MRE11: variants seen among roughly 807,000 people sequenced by gnomAD.
MRE11 encodes MRE11 double strand break repair nuclease.
Under a neutral mutation model 91.7 loss-of-function variants are expected in MRE11, and 62 were observed. The ratio of observed to expected loss-of-function variants is 0.68; its 90% CI spans 0.55 to 0.84. The LOEUF (loss-of-function observed/expected upper bound fraction) is 0.84. MRE11 is among the 40% of genes least tolerant of loss of function. MRE11 has a pLI of 0.00. For synonymous variants in MRE11, 273 were observed against 271.4 expected (o/e 1.01, Z -0.06); for missense variants, 796 against 852.9 (o/e 0.93, Z 0.83).
At chr11:94,421,309 T>C (rs1427716663) in intron 19 of MRE11, among the ~76,000 whole-genome samples, 1 of 152,246 alleles carries the variant, frequency 6.6e-6, no homozygotes, top group South Asian at 2.1e-4. Flanking sequence ...TTGTTGGTGG[T>C]ATCAGCACTT....
At chr11:94,502,114 G>A in the MRE11 span, among the ~76,000 whole-genome samples, 2 of 152,082 alleles carry the variant, frequency 1.3e-5, no homozygotes, top group Non-Finnish European at 2.9e-5. Context: ...TGTGCTTCAC[G>A]TGTGTGATAC....
chr11:94,443,759 T>C (rs1945849966), intron 16 of MRE11, among the ~76,000 whole-genome samples: 1 of 152,164 alleles, frequency 6.6e-6, no homozygotes, highest in African/African-American at 2.4e-5. Context: ...CATCAGATTT[T>C]TAGAGAATCC....
Position 94,492,850 on chromosome 11 carries a change from C to T in MRE11, c.-49G>A. The T allele has an allele frequency of 6.4e-7, 1 of 1,564,592 alleles. No individual in the cohort carries two copies. Among genetic ancestry groups the T allele is most frequent in the Non-Finnish European group, 8.8e-7 (1 of 1,136,678 alleles). On this transcript the variant is annotated 5_prime_UTR_variant, in exon 2 of 20. Transcript: ENST00000323929. ...TGGGACCAGGTTCTTCTCCAAGAAC[C>T]CCTGGGTACTGTACTCAAATGTCAG...
chr11:94,499,467 T>G, the MRE11 span: 5 of 151,980 alleles, frequency 3.3e-5, no homozygotes, highest in African/African-American at 1.2e-4. Flanking sequence ...ATTATTATAT[T>G]GAGGCTAAAA....
At chr11:94,451,039 C>A (rs1345913243) in intron 14 of MRE11, among the ~76,000 whole-genome samples, 1 of 138,098 alleles carries the variant, frequency 7.2e-6, no homozygotes, top group African/African-American at 3.0e-5. Flanking sequence ...CACATCTATA[C>A]TTTGGGAGGC....
In MRE11 at chr11:94,456,284, C is replaced by T. The variant is rs778116138; in HGVS notation, c.1555G>A (p.Val519Ile). ...TGCAGCAGAATAATTACCTCACGGA[C>T]TTCATCATCTTCTTCATTAGTATTT... ...QKNTNEEDDEVREAMTRARAL... is the reference protein window; with the variant it reads ...QKNTNEEDDEIREAMTRARAL... Residue 519 changes from valine (V) to isoleucine (I), a missense_variant, in exon 14 of 20, where the codon GTC becomes ATC. By Grantham distance (29) the Val-to-Ile change is conservative. Coordinates refer to ENST00000323929, the MANE Select transcript of MRE11 (RefSeq NM_005591.4). 2 of 1,610,398 alleles carry T rather than the reference C, an allele frequency of 1.2e-6. No homozygotes were observed. Among genetic ancestry groups the T allele is most frequent in the South Asian group, 2.2e-5 (2 of 90,984 alleles).
intron 10 of MRE11, chr11:94,466,471 C>T (rs1565225281): frequency 1.9e-6 from 1 of 531,130 alleles, no homozygotes; most frequent in Non-Finnish European, 3.9e-6. Flanking sequence ...CTATTTAATC[C>T]ATTTAGATCT....
chr11:94,466,568 C>A (rs931776119), intron 10 of MRE11: 3 of 502,886 alleles, frequency 6.0e-6, no homozygotes, highest in Non-Finnish European at 1.2e-5. Context: ...AATACTTTTG[C>A]ACCAACCTAA....
intron 11 of MRE11, among the ~76,000 whole-genome samples, chr11:94,463,593 A>G (rs1361451673): frequency 2.6e-5 from 4 of 152,210 alleles, no homozygotes; most frequent in Non-Finnish European, 5.9e-5. Flanking sequence ...ATGGAATACT[A>G]TGCAGCCATA....
At chr11:94,447,605 G>A (rs995237474) in intron 14 of MRE11, among the ~76,000 whole-genome samples, 167 bp from the exon 15 acceptor site, 9 of 143,950 alleles carry the variant, frequency 6.3e-5, no homozygotes, top group Non-Finnish European at 1.2e-4. Context: ...GAGGCGGGAG[G>A]ATCACTTGCA....
At chr11:94,487,683 G>A (rs1180838715) in intron 3 of MRE11, among the ~76,000 whole-genome samples, 1 of 152,082 alleles carries the variant, frequency 6.6e-6, no homozygotes, top group Non-Finnish European at 1.5e-5. Context: ...CTAATTTTCT[G>A]GTTTTCTATG....
intron 16 of MRE11, among the ~76,000 whole-genome samples, chr11:94,445,509 C>T (rs953962096): frequency 2.0e-5 from 3 of 152,052 alleles, no homozygotes; most frequent in Non-Finnish European, 2.9e-5. Context: ...CGGGTTTCAC[C>T]ATGTTGGCCA....
intron 14 of MRE11, among the ~76,000 whole-genome samples, chr11:94,454,570 A>AT (rs1946199560): frequency 6.6e-6 from 1 of 152,176 alleles, no homozygotes; most frequent in Non-Finnish European, 1.5e-5. Context: ...GAAAAAATAT[A>AT]TAATATCTTA....
chr11:94,423,856 A>G (rs1386257766), intron 19 of MRE11, among the ~76,000 whole-genome samples: 1 of 152,220 alleles, frequency 6.6e-6, no homozygotes, highest in Admixed American at 6.5e-5. Context: ...GCTGGCACTC[A>G]AGTAGGGGAG....
chr11:94,424,935 CA>C lies in MRE11; in HGVS notation c.2071-4755del, dbSNP rs1945270731. ...AATATGGAAAACATATTCGAGGATA[CA>C]GTCCAGAAAAATTTCTCCAATCGTG... On this transcript the variant is annotated intron_variant, in intron 19 of 19. Coordinates refer to ENST00000323929, the MANE Select transcript of MRE11 (RefSeq NM_005591.4). Among the ~76,000 whole-genome samples, 3 of 152,240 alleles carry C rather than the reference CA, an allele frequency of 2.0e-5. No homozygotes were observed. In the South Asian group the frequency reaches 6.2e-4, roughly 32 times the overall value.
At chr11:94,485,785 A>T (rs1483158762) in intron 4 of MRE11, 139 bp downstream of exon 4, 2 of 790,324 alleles carry the variant, frequency 2.5e-6, no homozygotes, top group Non-Finnish European at 4.1e-6. Flanking sequence ...TAATACAATG[A>T]TGTACAAAAA....
chr11:94,433,573 G>A (rs1260888586), intron 18 of MRE11, among the ~76,000 whole-genome samples: 1 of 152,164 alleles, frequency 6.6e-6, no homozygotes, highest in Non-Finnish European at 1.5e-5. Context: ...GAGGGACCTG[G>A]TGGGAGATAA....
chr11:94,475,698 C>T, intron 7 of MRE11: 1 of 450,868 alleles, frequency 2.2e-6, no homozygotes, highest in Admixed American at 2.4e-5. Flanking sequence ...TGGAAGAACA[C>T]TTGCATATAT....
intron 12 of MRE11, among the ~76,000 whole-genome samples, chr11:94,460,413 G>A (rs1227183918): frequency 3.3e-5 from 5 of 152,258 alleles, no homozygotes; most frequent in Non-Finnish European, 5.9e-5. Context: ...TTTGTTTGTA[G>A]AATAATTCTG....
Sources: gnomAD v4.1 joint callset for allele counts (sites outside exome capture counted in the v4.1 genomes callset) on GRCh38, gnomAD v4.1.1 for gene constraint, MANE v1.5 for transcripts, NCBI Gene and HGNC (gene_info 2026-07-23, HGNC 2026-07-21) for gene names.